LRRC36: variants seen among roughly 807,000 people sequenced by gnomAD.
The protein encoded by LRRC36 is leucine-rich repeat-containing protein 36.
LRRC36 carries 62 observed loss-of-function variants against 81.1 expected under a neutral mutation model. The ratio of observed to expected loss-of-function variants is 0.76; its 90% CI spans 0.62 to 0.94. The LOEUF (loss-of-function observed/expected upper bound fraction) is 0.94. Among genes scored for constraint, LRRC36 ranks in the 40% least tolerant of loss-of-function variants. The probability of loss-of-function intolerance (pLI) is 0.00; values close to 1 mark genes in which losing one functional copy is unlikely to be tolerated. For synonymous variants in LRRC36, 334 were observed against 348.6 expected (o/e 0.96, Z 0.47); for missense variants, 761 against 881.7 (o/e 0.86, Z 1.73).
rs761335879 is a variant in LRRC36 at position 67,371,034 on chromosome 16, C to T, written c.1286C>T (p.Pro429Leu). 4 of 1,614,104 alleles carry T rather than the reference C, an allele frequency of 2.5e-6. No individual in the cohort carries two copies. The East Asian group carries it at 8.9e-5, about 36-fold the overall frequency. ...QLSTSLDDLT[P>L]AHGSVPNNAV... ...TCTACCAGCCTGGATGATTTAACAC[C>T]AGCACATGGTTCTGTCCCAAACAAC... The change falls in exon 9 of 14, where the codon CCA (proline) becomes CTA (leucine). Residue 429 changes from proline (P) to leucine (L), a missense_variant. Pro to Leu is a moderately conservative substitution (Grantham distance 98). Transcript: ENST00000329956.
intron 5 of LRRC36, among the ~76,000 whole-genome samples, chr16:67,351,687 A>G (rs2038645575): frequency 6.6e-6 from 1 of 152,234 alleles, no homozygotes; most frequent in South Asian, 2.1e-4. Flanking sequence ...AGCCTGAGCG[A>G]CAGAGTGAGA....
intron 8 of LRRC36, among the ~76,000 whole-genome samples, chr16:67,368,367 G>A (rs1470699207): frequency 3.9e-5 from 6 of 152,162 alleles, no homozygotes; most frequent in South Asian, 2.1e-4. Context: ...AGGAGGAGGC[G>A]ATGCTTTAGA....
At position 67,347,542 on chromosome 16, in the gene LRRC36, T is replaced by C; in HGVS notation, c.439T>C (p.Phe147Leu). ...EGERKAAKLH[F>L]SQLGNSENFL... ...TGAGAGAAAAGCTGCCAAGCTGCAT[T>C]TTAGTCAGTTGGGCAACAGTGAAAA... Residue 147 changes from phenylalanine to leucine, a missense_variant, in exon 4 of 14, where the codon TTT becomes CTT. Phe to Leu is a conservative substitution (Grantham distance 22). Around this residue, in one of 3 missense-constraint regions of LRRC36, gnomAD observed 263 missense variants for 279.3 expected, o/e 0.94. Coordinates refer to ENST00000329956, the MANE Select transcript of LRRC36 (RefSeq NM_018296.6). 1 of 1,613,140 alleles carries C rather than the reference T, an allele frequency of 6.2e-7. No homozygotes were observed. Among genetic ancestry groups the C allele is most frequent in the Non-Finnish European group, 8.5e-7 (1 of 1,179,228 alleles).
intron 5 of LRRC36, among the ~76,000 whole-genome samples, chr16:67,351,798 T>A (rs1268782630): frequency 6.6e-6 from 1 of 152,218 alleles, no homozygotes; most frequent in Non-Finnish European, 1.5e-5. Context: ...GGAGTATGGA[T>A]TACTTTATTT....
chr16:67,359,945 A>C (rs2142074723), intron 5 of LRRC36, among the ~76,000 whole-genome samples: 1 of 152,308 alleles, frequency 6.6e-6, no homozygotes, highest in African/African-American at 2.4e-5. Context: ...AAACACAGTG[A>C]AACCCCATCT....
chr16:67,354,680 T>G (rs948203087), intron 5 of LRRC36, among the ~76,000 whole-genome samples: 1 of 152,164 alleles, frequency 6.6e-6, no homozygotes, highest in African/African-American at 2.4e-5. Context: ...CCTGCACACA[T>G]GCACAGCCTC....
At chr16:67,338,385 T>A (rs945952508) in intron 1 of LRRC36, among the ~76,000 whole-genome samples, 1 of 152,178 alleles carries the variant, frequency 6.6e-6, no homozygotes, top group Non-Finnish European at 1.5e-5. Flanking sequence ...TAATTTGTTA[T>A]GATATATTGT....
intron 1 of LRRC36, chr16:67,327,174 G>C: frequency 2.4e-6 from 1 of 424,318 alleles, no homozygotes. Context: ...AGAGGGGAGT[G>C]TGAAGTAGGG....
chr16:67,334,182 C>T (rs1398787724), intron 1 of LRRC36, among the ~76,000 whole-genome samples: 1 of 151,850 alleles, frequency 6.6e-6, no homozygotes, highest in Non-Finnish European at 1.5e-5. Context: ...CAGGTGCCTG[C>T]CACTGTGCCC....
At chr16:67,328,490 G>T (rs1261139872) in intron 1 of LRRC36, among the ~76,000 whole-genome samples, 1 of 152,110 alleles carries the variant, frequency 6.6e-6, no homozygotes, top group African/African-American at 2.4e-5. Context: ...TCCAGCCTGG[G>T]TGACAGAGTG....
chr16:67,343,692 CAAA>C (rs533517669), intron 2 of LRRC36, among the ~76,000 whole-genome samples: 1 of 108,272 alleles, frequency 9.2e-6, no homozygotes. Context: ...GAGACCATCT[CAAA>C]AAAAAAAAAA....
chr16:67,328,175 T>C (rs1272935183), intron 1 of LRRC36, among the ~76,000 whole-genome samples: 1 of 152,148 alleles, frequency 6.6e-6, no homozygotes, highest in Non-Finnish European at 1.5e-5. Flanking sequence ...TCATTTTGAC[T>C]GTTAAAATAA....
intron 7 of LRRC36, among the ~76,000 whole-genome samples, chr16:67,366,648 G>C (rs942574975): frequency 6.6e-6 from 1 of 152,044 alleles, no homozygotes; most frequent in Non-Finnish European, 1.5e-5. Flanking sequence ...TATTCGGGAG[G>C]CTGAGGTACG....
At chr16:67,373,237 A>T (rs887452590) in intron 9 of LRRC36, among the ~76,000 whole-genome samples, 2 of 152,174 alleles carry the variant, frequency 1.3e-5, no homozygotes, top group Non-Finnish European at 2.9e-5. Context: ...AAATTTCAAT[A>T]TGCTTTTCTA....
chr16:67,328,756 A>G (rs562114385), intron 1 of LRRC36, among the ~76,000 whole-genome samples: 5 of 152,160 alleles, frequency 3.3e-5, no homozygotes, highest in African/African-American at 1.2e-4. Context: ...CTATTAGCCT[A>G]CCTCAACAGT....
intron 1 of LRRC36, chr16:67,336,615 TG>T (rs1197850083): frequency 6.6e-6 from 1 of 152,172 alleles, no homozygotes; most frequent in Non-Finnish European, 1.5e-5. Flanking sequence ...GTGTCTGGTT[TG>T]GGGTTTATTT....
At chr16:67,340,328 C>T (rs1435648725) in intron 1 of LRRC36, among the ~76,000 whole-genome samples, 1 of 151,972 alleles carries the variant, frequency 6.6e-6, no homozygotes, top group East Asian at 1.9e-4. Flanking sequence ...TTCTTACTGA[C>T]AATTTTGAGA....
intron 12 of LRRC36, among the ~76,000 whole-genome samples, chr16:67,380,913 A>C (rs2040082548): frequency 6.6e-6 from 1 of 152,176 alleles, no homozygotes; most frequent in Admixed American, 6.5e-5. Flanking sequence ...CAAGATCCCC[A>C]GGTGATTTGT....
intron 5 of LRRC36, chr16:67,362,159 T>G (rs1296739600): frequency 4.4e-6 from 2 of 453,064 alleles, no homozygotes; most frequent in Non-Finnish European, 8.8e-6. Flanking sequence ...ATACGTTTTG[T>G]TTTGTTTTGT....
Sources: allele counts gnomAD v4.1 joint callset (sites outside exome capture counted in the v4.1 genomes callset), GRCh38; gene constraint gnomAD v4.1.1; regional missense constraint gnomAD v4.1.1; transcripts MANE v1.5; gene names NCBI Gene and HGNC (gene_info 2026-07-23, HGNC 2026-07-21).